Variants in CSMD3 observed in about 807,000 individuals in gnomAD.
The protein encoded by CSMD3 is CUB and sushi domain-containing protein 3.
CSMD3 carries 177 observed loss-of-function variants against 435.2 expected under a neutral mutation model. The observed-to-expected ratio is 0.41, with a 90% confidence interval of 0.36 to 0.46. The LOEUF (loss-of-function observed/expected upper bound fraction) is 0.46. Among genes scored for constraint, CSMD3 ranks in the 20% least tolerant of loss-of-function variants. CSMD3 has a pLI of 0.34. For missense variants in CSMD3, 4,265 were observed against 4,504.6 expected (o/e 0.95, Z 1.52); for synonymous variants, 1,656 against 1,520.5 (o/e 1.09, Z -2.07).
intron 5 of CSMD3, among the ~76,000 whole-genome samples, chr8:113,049,170 C>G (rs1183146137): frequency 6.6e-6 from 1 of 152,064 alleles, no homozygotes; most frequent in Non-Finnish European, 1.5e-5. Flanking sequence ...ACCTGGGAGG[C>G]AGAGGTTGCA....
chr8:112,383,020 GATT>G (rs1298933139), intron 37 of CSMD3, among the ~76,000 whole-genome samples: 2 of 151,898 alleles, frequency 1.3e-5, no homozygotes, highest in African/African-American at 2.4e-5. Flanking sequence ...AAATCTAACA[GATT>G]TTAAAAACAA....
intron 3 of CSMD3, among the ~76,000 whole-genome samples, chr8:113,258,893 G>T (rs953311845): frequency 6.6e-6 from 1 of 152,002 alleles, no homozygotes; most frequent in Non-Finnish European, 1.5e-5. Context: ...ATAAGAAGTG[G>T]TAAGATTACA....
chr8:112,858,107 T>C (rs548592711), intron 11 of CSMD3, among the ~76,000 whole-genome samples: 5 of 151,794 alleles, frequency 3.3e-5, no homozygotes, highest in African/African-American at 1.2e-4. Flanking sequence ...ACTCTGCTGA[T>C]CTTAGAATTA....
intron 45 of CSMD3, among the ~76,000 whole-genome samples, chr8:112,334,202 TG>T (rs1824355452): frequency 6.6e-6 from 1 of 152,190 alleles, no homozygotes. Context: ...CAGTTCTGGA[TG>T]GCAGTGGATC....
chr8:112,900,366 T>C (rs2082079213), intron 10 of CSMD3, among the ~76,000 whole-genome samples: 1 of 151,138 alleles, frequency 6.6e-6, no homozygotes, highest in Non-Finnish European at 1.5e-5. Flanking sequence ...ATGAGATGTG[T>C]CTCTCTCTAG....
chr8:112,563,750 A>G (rs1214798124), intron 24 of CSMD3, among the ~76,000 whole-genome samples: 1 of 152,076 alleles, frequency 6.6e-6, no homozygotes, highest in Non-Finnish European at 1.5e-5. Flanking sequence ...CAAAGTTTAT[A>G]AGTTTCAATT....
At chr8:113,112,695 C>T (rs1487563626) in intron 4 of CSMD3, among the ~76,000 whole-genome samples, 1 of 151,842 alleles carries the variant, frequency 6.6e-6, no homozygotes, top group East Asian at 1.9e-4. Context: ...AATGTCAGAA[C>T]CTCCCAAATA....
At chr8:113,296,808 C>T (rs1182709766) in intron 2 of CSMD3, among the ~76,000 whole-genome samples, 1 of 152,142 alleles carries the variant, frequency 6.6e-6, no homozygotes, top group East Asian at 1.9e-4. Flanking sequence ...AACATTGTCT[C>T]TAATTCGTAG....
chr8:112,252,255 A>G (rs975705142), intron 63 of CSMD3, among the ~76,000 whole-genome samples: 1 of 151,984 alleles, frequency 6.6e-6, no homozygotes. Flanking sequence ...CTCCTTGGAA[A>G]TCTGGAATTG....
intron 1 of CSMD3, among the ~76,000 whole-genome samples, chr8:113,330,837 C>T (rs569205643): frequency 6.6e-6 from 1 of 151,862 alleles, no homozygotes; most frequent in Non-Finnish European, 1.5e-5. Context: ...TAGTTGGAGT[C>T]TTTAATTCTC....
At chr8:112,534,236 C>G (rs532661593) in intron 27 of CSMD3, among the ~76,000 whole-genome samples, 323 of 152,062 alleles carry the variant, frequency 2.1e-3, no homozygotes, top group Non-Finnish European at 3.9e-3. Flanking sequence ...AATCCAGGAG[C>G]TGGTTTTTTG....
intron 28 of CSMD3, among the ~76,000 whole-genome samples, chr8:112,507,396 A>G (rs1725715625): frequency 6.6e-6 from 1 of 152,224 alleles, no homozygotes; most frequent in South Asian, 2.1e-4. Flanking sequence ...TGCTAAACAG[A>G]GCTTGTGTTC....
rs1275354320 is a variant in CSMD3, at chr8:112,265,529, C to G, written c.9570G>C (p.Val3190=). ...ANGLRYGDDY[V]VGQNVSYMCQ... is the part of the protein sequence containing the mutation. The stretch of plus-strand genomic sequence containing the variant: ...ACATGTAAGAAACATTTTGTCCAAC[C>G]ACATAATCATCTCCATATCTCAGTC... Residue 3190 remains valine, a synonymous_variant, in exon 60 of 71, where the codon GTG becomes GTC. Coordinates refer to ENST00000297405, the MANE Select transcript of CSMD3 (RefSeq NM_198123.2). The G allele has an allele frequency of 2.5e-6, 4 of 1,613,558 alleles. No individual in the cohort carries two copies. Among genetic ancestry groups the G allele is most frequent in the Non-Finnish European group, 1.7e-6 (2 of 1,179,572 alleles).
At chr8:112,970,808 G>A (rs979154773) in intron 7 of CSMD3, among the ~76,000 whole-genome samples, 5 of 150,504 alleles carry the variant, frequency 3.3e-5, no homozygotes, top group Admixed American at 2.6e-4. Context: ...TGCAAGCTCT[G>A]CCTCCTGGGT....
chr8:112,318,497 T>G (rs2130858330), intron 47 of CSMD3, among the ~76,000 whole-genome samples: 1 of 152,194 alleles, frequency 6.6e-6, no homozygotes. Context: ...AAGCTCTATC[T>G]AAGTAAAAGC....
chr8:112,655,830 C>T (rs2075243660), intron 18 of CSMD3, among the ~76,000 whole-genome samples: 1 of 151,874 alleles, frequency 6.6e-6, no homozygotes, highest in South Asian at 2.1e-4. Flanking sequence ...TTATATATAT[C>T]TTAGACTGGC....
intron 4 of CSMD3, among the ~76,000 whole-genome samples, chr8:113,136,773 G>T (rs1476156689): frequency 1.3e-5 from 2 of 151,628 alleles, no homozygotes; most frequent in East Asian, 1.9e-4. Context: ...TGTAAGGAGG[G>T]ATTTTAAGAC....
intron 13 of CSMD3, among the ~76,000 whole-genome samples, chr8:112,781,174 C>G (rs2078375936): frequency 6.6e-6 from 1 of 152,008 alleles, no homozygotes. Context: ...TAGACCTGCC[C>G]TGGCCAGAAG....
At chr8:112,952,044 C>A (rs1194231163) in intron 8 of CSMD3, among the ~76,000 whole-genome samples, 2 of 151,246 alleles carry the variant, frequency 1.3e-5, no homozygotes, top group African/African-American at 4.8e-5. Context: ...AAATATAAAA[C>A]CTGTTTACTT....
Sources: allele counts gnomAD v4.1 joint callset (sites outside exome capture counted in the v4.1 genomes callset), GRCh38; gene constraint gnomAD v4.1.1; transcripts MANE v1.5; gene names NCBI Gene and HGNC (gene_info 2026-07-23, HGNC 2026-07-21).